The following COLGALT2 variants were observed in gnomAD, a reference collection of about 807,000 sequenced individuals.
COLGALT2 encodes the protein collagen beta(1-O)galactosyltransferase 2, also known as procollagen galactosyltransferase 2.
A neutral mutation model predicts 73.4 loss-of-function variants in COLGALT2; 49 were observed. The observed-to-expected ratio is 0.67, with a 90% CI of 0.53 to 0.85. The LOEUF (loss-of-function observed/expected upper bound fraction) is 0.85, where lower values mean the gene tolerates loss of function less well. Ranked by LOEUF, COLGALT2 falls within the 40% of genes least tolerant of loss-of-function variation. The probability of loss-of-function intolerance (pLI) is 0.00; values close to 1 mark genes in which losing one functional copy is unlikely to be tolerated. For missense variants in COLGALT2, 722 were observed against 790.2 expected, an observed-to-expected ratio of 0.91 and a Z score of 1.03; for synonymous variants, 295 against 307.6, an observed-to-expected ratio of 0.96 and a Z score of 0.43.
At chr1:184,031,559 C>T (rs1287264398) in intron 1 of COLGALT2, among the ~76,000 whole-genome samples, 1 of 152,204 alleles carries the variant, frequency 6.6e-6, no homozygotes, top group Admixed American at 6.5e-5. Context: ...GAAGCAAAAA[C>T]TAGAACTAAT....
At chr1:184,013,666 A>G (rs1392027711) in intron 1 of COLGALT2, among the ~76,000 whole-genome samples, 1 of 151,982 alleles carries the variant, frequency 6.6e-6, no homozygotes, top group African/African-American at 2.4e-5. Flanking sequence ...AGGTCTTTGA[A>G]GGTTTGGGAG....
At chr1:183,946,850 T>C (rs901208593) in intron 8 of COLGALT2, among the ~76,000 whole-genome samples, 3 of 152,218 alleles carry the variant, frequency 2.0e-5, no homozygotes, top group Admixed American at 2.0e-4. Context: ...GCTAACACGG[T>C]GAAACCCCAT....
At chr1:184,015,563 C>T (rs181526659) in intron 1 of COLGALT2, among the ~76,000 whole-genome samples, 4 of 152,378 alleles carry the variant, frequency 2.6e-5, no homozygotes, top group South Asian at 4.1e-4. Flanking sequence ...CATGTTTGCA[C>T]ATCTTCTAAT....
chr1:184,002,748 G>A (rs1230023050), intron 1 of COLGALT2, among the ~76,000 whole-genome samples: 1 of 152,102 alleles, frequency 6.6e-6, no homozygotes, highest in African/African-American at 2.4e-5. Context: ...CTATCTTGAT[G>A]CCATTGTTAT....
At chr1:184,010,070 G>T (rs1178451537) in intron 1 of COLGALT2, among the ~76,000 whole-genome samples, 1 of 152,158 alleles carries the variant, frequency 6.6e-6, no homozygotes, top group Non-Finnish European at 1.5e-5. Flanking sequence ...TCTTCCACTG[G>T]ATACAGAGAG....
At chr1:183,933,969 C>T (rs180891285), downstream of COLGALT2, among the ~76,000 whole-genome samples, 1 of 152,326 alleles carries the variant, frequency 6.6e-6, no homozygotes, top group Non-Finnish European at 1.5e-5. Context: ...GGATTGGAAG[C>T]AACACAGCTG....
intron 1 of COLGALT2, among the ~76,000 whole-genome samples, chr1:184,013,773 C>A (rs1354158051): frequency 6.6e-6 from 1 of 151,750 alleles, no homozygotes; most frequent in Non-Finnish European, 1.5e-5. Context: ...AGGGGCAGAG[C>A]AATCCATTAG....
chr1:183,930,202 GCCTTCT>G (rs1362691980), exon 12 of COLGALT2: 1 of 456,190 alleles, frequency 2.2e-6, no homozygotes, highest in Admixed American at 2.3e-5. Flanking sequence ...GAGGGGTAAT[GCCTTCT>G]CCTAGGGTGC....
intron 10 of COLGALT2, among the ~76,000 whole-genome samples, chr1:183,941,434 C>T (rs1410345166): frequency 1.3e-5 from 2 of 152,212 alleles, no homozygotes; most frequent in Non-Finnish European, 2.9e-5. Flanking sequence ...AGGCACCTTC[C>T]GTCCTCCGTG....
At chr1:184,028,196 C>T (rs1649388441) in intron 1 of COLGALT2, among the ~76,000 whole-genome samples, 1 of 152,172 alleles carries the variant, frequency 6.6e-6, no homozygotes, top group South Asian at 2.1e-4. Context: ...AATGCTATGG[C>T]CCCAAATGTC....
chr1:183,957,526 C>T (rs1251628103), intron 6 of COLGALT2, among the ~76,000 whole-genome samples: 4 of 152,176 alleles, frequency 2.6e-5, no homozygotes, highest in Non-Finnish European at 5.9e-5. Flanking sequence ...TCCTGAACTT[C>T]TTCCATTGTT....
chr1:183,964,084 G>A (rs1245672368), intron 5 of COLGALT2, 64 bp from the exon 6 acceptor site: 1 of 1,579,580 alleles, frequency 6.3e-7, no homozygotes, highest in South Asian at 1.2e-5. Flanking sequence ...GACAAGCGAG[G>A]AGAAGGAACC....
At chr1:183,997,039 A>G (rs1350690396) in intron 1 of COLGALT2, among the ~76,000 whole-genome samples, 1 of 152,220 alleles carries the variant, frequency 6.6e-6, no homozygotes, top group African/African-American at 2.4e-5. Context: ...GGCGTGGATC[A>G]GGGGCAGGCA....
intron 1 of COLGALT2, among the ~76,000 whole-genome samples, chr1:184,034,579 G>T (rs1649614303): frequency 6.6e-6 from 1 of 152,064 alleles, no homozygotes; most frequent in Admixed American, 6.6e-5. Flanking sequence ...CCCTGATCTG[G>T]CTGGTTCTTA....
rs200274177 is a variant in COLGALT2 at position 183,969,357 on chromosome 1, C to T, written c.744G>A (p.Ser248=). 2.2e-5 allele frequency: 35 copies of T among 1,613,782 alleles called. No homozygotes were observed. In the Middle Eastern group the frequency reaches 6.6e-4, roughly 30 times the overall value. The change falls in exon 5 of 12, where the codon TCG becomes TCA. Residue 248 remains serine (S), a synonymous_variant. Transcript: ENST00000361927. ...TFLIDLRKEA[S]DKLTFYPPHQ... is the part of the protein sequence containing the mutation. ...GTGGGGGGTAGAAAGTCAGCTTGTC[C>T]GAGGCCTCCTTCCTGAGGTCAATTA...
intron 5 of COLGALT2, among the ~76,000 whole-genome samples, chr1:183,968,201 G>C (rs1474459092): frequency 3.3e-5 from 5 of 152,184 alleles, no homozygotes; most frequent in African/African-American, 1.2e-4. Flanking sequence ...ATTTTTGCTA[G>C]TGGTTAAGTG....
chr1:183,956,201 G>A (rs1268910188), intron 6 of COLGALT2, among the ~76,000 whole-genome samples: 2 of 152,192 alleles, frequency 1.3e-5, no homozygotes. Context: ...GGTATGATCT[G>A]TTTAACTTCA....
intron 1 of COLGALT2, among the ~76,000 whole-genome samples, chr1:184,017,271 C>T (rs1265996138): frequency 1.3e-5 from 2 of 152,134 alleles, no homozygotes; most frequent in Non-Finnish European, 2.9e-5. Context: ...AAATTGTATT[C>T]ACTTCATTAT....
At position 183,938,178 on chromosome 1, in the gene COLGALT2, C is replaced by G. The variant is rs890694859; in HGVS notation, c.*583G>C. The stretch of plus-strand genomic sequence containing the variant: ...AGTCGGACCCAAATACCCACCCCTA[C>G]TGGATAACAGGGACTAAGATTTTTT... On this transcript the variant is annotated 3_prime_UTR_variant, in exon 12 of 12. Transcript: ENST00000361927. 1.0e-5 allele frequency: 10 copies of G among 985,152 alleles called. No individual in the cohort carries two copies. Among genetic ancestry groups the G allele is most frequent in the Non-Finnish European group, 1.2e-5 (10 of 830,584 alleles). 61.0% of individuals were successfully genotyped at this position (985,152 alleles called of 1,614,324 possible).
Sources: gnomAD v4.1 joint callset for allele counts (sites outside exome capture counted in the v4.1 genomes callset) on GRCh38, gnomAD v4.1.1 for gene constraint, MANE v1.5 for transcripts, NCBI Gene and HGNC (gene_info 2026-07-23, HGNC 2026-07-21) for gene names.